SRGAP1: variants seen among roughly 807,000 people sequenced by gnomAD.
SRGAP1 encodes the protein SLIT-ROBO Rho GTPase activating protein 1.
SRGAP1 carries 43 observed loss-of-function variants against 121.9 expected under a neutral mutation model. The observed-to-expected ratio is 0.35, with a 90% CI of 0.28 to 0.46. The LOEUF (loss-of-function observed/expected upper bound fraction) is 0.46. Among genes scored for constraint, SRGAP1 ranks in the 20% least tolerant of loss-of-function variants. The pLI is 1.00. For synonymous variants in SRGAP1, 447 were observed against 485.4 expected (o/e 0.92, Z 1.04); for missense variants, 1,102 against 1,350.9 (o/e 0.82, Z 2.89).
At chr12:64,063,358 T>C (rs2035483716) in intron 7 of SRGAP1, among the ~76,000 whole-genome samples, 1 of 152,220 alleles carries the variant, frequency 6.6e-6, no homozygotes, top group Non-Finnish European at 1.5e-5. Context: ...GGTGCAGATT[T>C]GCCTTGCACT....
chr12:63,846,357 A>G (rs1050965066), intron 1 of SRGAP1, among the ~76,000 whole-genome samples: 13 of 152,158 alleles, frequency 8.5e-5, no homozygotes, highest in African/African-American at 3.1e-4. Context: ...CTTGTTCACA[A>G]CCACCATTTC....
intron 3 of SRGAP1, among the ~76,000 whole-genome samples, chr12:64,011,406 A>G (rs934053061): frequency 2.6e-5 from 4 of 152,146 alleles, no homozygotes; most frequent in Non-Finnish European, 4.4e-5. Context: ...TCCTAGAAGC[A>G]TTATGATTTC....
chr12:63,990,097 G>A, intron 3 of SRGAP1, 25 bp downstream of exon 3: 1 of 1,561,536 alleles, frequency 6.4e-7, no homozygotes, highest in East Asian at 2.3e-5. Flanking sequence ...TCCTGCCATA[G>A]TGTGCTTTCC....
chr12:64,091,146 T>C (rs528512273), intron 11 of SRGAP1, 130 bp from the exon 12 acceptor site: 2 of 481,738 alleles, frequency 4.2e-6, no homozygotes, highest in Non-Finnish European at 7.1e-6. Context: ...GGAGGGAATG[T>C]TTTCCCCTGT....
At chr12:63,933,263 T>C (rs2031544925) in intron 1 of SRGAP1, among the ~76,000 whole-genome samples, 1 of 152,132 alleles carries the variant, frequency 6.6e-6, no homozygotes, top group East Asian at 1.9e-4. Context: ...CCATATGTCC[T>C]TGCAGGCAGA....
chr12:64,065,406 T>C (rs2035520214), intron 8 of SRGAP1, among the ~76,000 whole-genome samples, 187 bp downstream of exon 8: 1 of 152,204 alleles, frequency 6.6e-6, no homozygotes, highest in African/African-American at 2.4e-5. Flanking sequence ...CTGCCATAGA[T>C]TAATATTTTA....
chr12:63,950,516 C>T (rs1487536455), intron 1 of SRGAP1, among the ~76,000 whole-genome samples: 2 of 152,054 alleles, frequency 1.3e-5, no homozygotes, highest in African/African-American at 4.8e-5. Context: ...ACGTGCTGCA[C>T]ATGGTGTCTA....
At position 64,142,547 on chromosome 12, in the gene SRGAP1, A is replaced by G; in HGVS notation, c.3133A>G (p.Arg1045Gly). Residue 1045 changes from arginine to glycine, a missense_variant, in exon 22 of 22, where the codon AGA becomes GGA. Physicochemically the swap from Arg to Gly is moderately radical, Grantham distance 125. Coordinates refer to ENST00000355086, the MANE Select transcript of SRGAP1 (RefSeq NM_020762.4). ...TACTTTCAAGCCTATGGTGGCACCC[A>G]GAATGGGCGTGCAGCTGAAGCCTCC... ...MSTFKPMVAP[R>G]MGVQLKPPAL... 1 of 1,614,218 alleles carries G rather than the reference A, an allele frequency of 6.2e-7. No individual in the cohort carries two copies. The highest frequency in any genetic ancestry group is 8.5e-7 in the Non-Finnish European group (1 of 1,180,046).
intron 11 of SRGAP1, among the ~76,000 whole-genome samples, chr12:64,090,640 G>A (rs1403757617): frequency 1.3e-5 from 2 of 152,146 alleles, no homozygotes; most frequent in Non-Finnish European, 2.9e-5. Flanking sequence ...AGGAGTTCAA[G>A]ACCAGCCTGG....
intron 2 of SRGAP1, among the ~76,000 whole-genome samples, chr12:63,987,641 G>A (rs760775017): frequency 2.0e-5 from 3 of 152,130 alleles, no homozygotes; most frequent in Non-Finnish European, 2.9e-5. Flanking sequence ...AGAATCGCTT[G>A]AACCCCGGAG....
chr12:63,961,049 G>A (rs2032622897), intron 1 of SRGAP1, among the ~76,000 whole-genome samples: 1 of 152,164 alleles, frequency 6.6e-6, no homozygotes, highest in African/African-American at 2.4e-5. Flanking sequence ...ATACAAACCT[G>A]TAATCATTGA....
intron 1 of SRGAP1, among the ~76,000 whole-genome samples, chr12:63,965,125 AT>A (rs2032755417): frequency 1.3e-5 from 2 of 152,270 alleles, no homozygotes; most frequent in South Asian, 2.1e-4. Flanking sequence ...TGGGACTGTT[AT>A]AAGGATTCAA....
Position 64,042,970 on chromosome 12 carries a change from AAAGT to A in SRGAP1, c.672+5_672+8del, listed in dbSNP as rs2035054529. 6.2e-7 allele frequency: 1 copy of A among 1,608,568 alleles called. No individual in the cohort carries two copies. Among genetic ancestry groups the A allele is most frequent in the Non-Finnish European group, 8.5e-7 (1 of 1,176,138 alleles). The stretch of plus-strand genomic sequence containing the variant: ...AAAGAAAATTGAAAAAATGAAAGAA[AAAGT>A]AAGTAAAGAGATTGCAGAGCTCTTC... On this transcript the variant is annotated splice_donor_variant and coding_sequence_variant, in exon 5 of 22. Transcript: ENST00000355086. LOFTEE classifies it high-confidence loss of function.
chr12:63,980,176 C>T (rs1321819765), intron 1 of SRGAP1, among the ~76,000 whole-genome samples: 2 of 152,204 alleles, frequency 1.3e-5, no homozygotes, highest in Non-Finnish European at 2.9e-5. Context: ...CCTCAGCCTC[C>T]TGGGTAGTTG....
intron 1 of SRGAP1, among the ~76,000 whole-genome samples, chr12:63,852,397 T>G (rs2136255316): frequency 6.6e-6 from 1 of 152,380 alleles, no homozygotes; most frequent in East Asian, 1.9e-4. Flanking sequence ...AATTCCAAAG[T>G]GGACTAATCT....
chr12:64,092,883 C>T (rs1565677606), intron 12 of SRGAP1, among the ~76,000 whole-genome samples: 1 of 152,090 alleles, frequency 6.6e-6, no homozygotes, highest in Non-Finnish European at 1.5e-5. Context: ...GCACATATTA[C>T]ATATTTTTTC....
intron 1 of SRGAP1, among the ~76,000 whole-genome samples, chr12:63,903,861 C>T (rs1338841023): frequency 2.0e-5 from 3 of 151,984 alleles, no homozygotes; most frequent in East Asian, 3.9e-4. Context: ...TCATGAACTC[C>T]TGACCTCGTG....
chr12:64,062,739 T>G (rs181941475), intron 6 of SRGAP1, among the ~76,000 whole-genome samples, 178 bp from the exon 7 acceptor site: 139 of 152,268 alleles, frequency 9.1e-4, no homozygotes, highest in African/African-American at 3.3e-3. Context: ...TCTAATTTAT[T>G]TTTTCATCTG....
In SRGAP1 at chr12:64,097,361, T is replaced by C. The variant is rs1288834746; in HGVS notation, c.1799T>C (p.Leu600Pro). 6.2e-7 allele frequency: 1 copy of C among 1,608,554 alleles called. No homozygotes were observed. The highest frequency in any genetic ancestry group is 1.1e-5 in the South Asian group (1 of 89,440). ...TTTCCTAAGGAAAGATTTAACGATC[T>C]GATTTCTTGTATCAGTAAGTGGACA... ...PLFPKERFND[L>P]ISCIRIDNLY... is the part of the protein sequence containing the mutation. The change falls in exon 15 of 22, where the codon CTG becomes CCG. Residue 600 changes from leucine to proline, a missense_variant. Around this residue, in one of 3 missense-constraint regions of SRGAP1, gnomAD observed 747 missense variants for 929.4 expected, o/e 0.80. Transcript: ENST00000355086.
Sources: gnomAD v4.1 joint callset for allele counts (sites outside exome capture counted in the v4.1 genomes callset) on GRCh38, gnomAD v4.1.1 for gene constraint, gnomAD v4.1.1 regional missense constraint, MANE v1.5 for transcripts, NCBI Gene and HGNC (gene_info 2026-07-23, HGNC 2026-07-21) for gene names.